UNC13C: variants seen among roughly 807,000 people sequenced by gnomAD.
UNC13C encodes the protein unc-13 homolog C.
UNC13C carries 174 observed loss-of-function variants against 245.4 expected under a neutral mutation model. The observed-to-expected ratio is 0.71, with a 90% CI of 0.63 to 0.80. The LOEUF is 0.80. Among genes scored for constraint, UNC13C ranks in the 30% least tolerant of loss-of-function variants. The pLI, the probability that UNC13C is intolerant of heterozygous loss-of-function variation, is 0.00. For synonymous variants in UNC13C, 992 were observed against 895.1 expected (o/e 1.11, Z -1.93); for missense variants, 2,829 against 2,602.9 (o/e 1.09, Z -1.89).
chr15:54,019,549 C>T (rs984244587), intron 2 of UNC13C, among the ~76,000 whole-genome samples: 4 of 152,172 alleles, frequency 2.6e-5, no homozygotes, highest in African/African-American at 9.6e-5. Context: ...CAGTCTGATA[C>T]ACTTTACCTG....
At chr15:54,373,926 G>C (rs1341648071) in intron 17 of UNC13C, among the ~76,000 whole-genome samples, 1 of 152,116 alleles carries the variant, frequency 6.6e-6, no homozygotes, top group African/African-American at 2.4e-5. Context: ...GAGACTCGAA[G>C]TGGGTAGCTC....
At chr15:53,895,236 C>A in the UNC13C span, among the ~76,000 whole-genome samples, 1 of 148,662 alleles carries the variant, frequency 6.7e-6, no homozygotes, top group African/African-American at 2.5e-5. Flanking sequence ...TGGTCGCAGG[C>A]GTCTGTAATC....
At chr15:54,089,745 T>A (rs1899458345) in intron 2 of UNC13C, among the ~76,000 whole-genome samples, 1 of 151,890 alleles carries the variant, frequency 6.6e-6, no homozygotes, top group African/African-American at 2.4e-5. Flanking sequence ...GAATGGGACA[T>A]TCATTTTTAC....
In UNC13C at chr15:54,447,094, T is replaced by C. The variant is rs147520251; in HGVS notation, c.4933+32027T>C. ...TTCTGTTTATGTGCTGGATTACGTT[T>C]ATTGATTTGCATGTGTTGAACCAGC... On this transcript the variant is annotated intron_variant, in intron 19 of 32. Transcript: ENST00000260323. 5.0e-3 allele frequency among the ~76,000 whole-genome samples: 766 copies of C among 152,304 alleles called. 6 individuals are homozygous for C. The highest frequency in any genetic ancestry group is 0.017 in the African/African-American group (717 of 41,558).
At chr15:54,085,752 G>T (rs932231856) in intron 2 of UNC13C, among the ~76,000 whole-genome samples, 2 of 152,024 alleles carry the variant, frequency 1.3e-5, no homozygotes, top group South Asian at 2.1e-4. Flanking sequence ...AGAAAACTAG[G>T]CACAAGACAA....
intron 4 of UNC13C, among the ~76,000 whole-genome samples, chr15:54,209,532 T>C (rs28464152): frequency 0.57 from 85,896 of 151,736 alleles, 24,460 homozygotes; most frequent in Middle Eastern, 0.62. Flanking sequence ...CCCTCCTCAA[T>C]CTCCTGAATA....
At chr15:54,323,021 T>C (rs2038205148) in intron 14 of UNC13C, among the ~76,000 whole-genome samples, 1 of 144,020 alleles carries the variant, frequency 6.9e-6, no homozygotes, top group African/African-American at 2.5e-5. Flanking sequence ...TTTTTTTTTT[T>C]CATGGAGGAA....
chr15:54,367,148 G>A (rs1399946570), intron 17 of UNC13C, among the ~76,000 whole-genome samples: 3 of 152,072 alleles, frequency 2.0e-5, no homozygotes, highest in Non-Finnish European at 4.4e-5. Context: ...GAAGCTATCA[G>A]AACAGAAAGT....
intron 2 of UNC13C, among the ~76,000 whole-genome samples, chr15:54,071,667 AC>A (rs1898335169): frequency 8.9e-6 from 1 of 112,654 alleles, no homozygotes. Flanking sequence ...GTTGAAAAAA[AC>A]AAAAAGAACA....
At chr15:54,023,006 G>C (rs1464455657) in intron 2 of UNC13C, among the ~76,000 whole-genome samples, 1 of 152,206 alleles carries the variant, frequency 6.6e-6, no homozygotes, top group African/African-American at 2.4e-5. Context: ...AAGGAGATTA[G>C]TCCCAACTGG....
the UNC13C span, among the ~76,000 whole-genome samples, chr15:53,922,779 T>A: frequency 6.6e-6 from 1 of 152,228 alleles, no homozygotes; most frequent in African/African-American, 2.4e-5. Context: ...GCAGTATTTT[T>A]AATTTCAGTG....
intron 10 of UNC13C, among the ~76,000 whole-genome samples, chr15:54,291,596 C>A (rs1046153229): frequency 6.6e-6 from 1 of 151,858 alleles, no homozygotes; most frequent in African/African-American, 2.4e-5. Context: ...ATGGATGAAA[C>A]ATTGCCTGGC....
At chr15:54,543,020 TGTG>T (rs1376192665) in intron 26 of UNC13C, among the ~76,000 whole-genome samples, 7 of 152,152 alleles carry the variant, frequency 4.6e-5, no homozygotes, top group Non-Finnish European at 1.0e-4. Flanking sequence ...TATTGTTATG[TGTG>T]AATTTGGTCC....
rs552961287 is a variant in UNC13C, at chr15:54,545,423, G to A, written c.5697-1299G>A. On this transcript the variant is annotated intron_variant, in intron 26 of 32. Coordinates refer to ENST00000260323, the MANE Select transcript of UNC13C (RefSeq NM_001080534.3). ...CATGACTAAAACACCAAAACCAATG[G>A]CAACAAAAGCCGAAACTGACAAATG... 9.2e-5 allele frequency among the ~76,000 whole-genome samples: 14 copies of A among 152,192 alleles called. No homozygotes were observed. The East Asian group carries it at 2.7e-3, about 29-fold the overall frequency.
the UNC13C span, among the ~76,000 whole-genome samples, chr15:53,921,915 A>G: frequency 5.3e-5 from 8 of 152,334 alleles, no homozygotes; most frequent in Admixed American, 1.3e-4. Context: ...CATGTAATCT[A>G]AGACTATTTT....
chr15:54,437,447 C>T (rs1296776440), intron 19 of UNC13C, among the ~76,000 whole-genome samples: 6 of 151,990 alleles, frequency 3.9e-5, no homozygotes, highest in Non-Finnish European at 7.4e-5. Flanking sequence ...TAATCTGAGT[C>T]TAATCTATGA....
chr15:54,439,640 C>G (rs755080053), intron 19 of UNC13C, among the ~76,000 whole-genome samples: 47 of 151,826 alleles, frequency 3.1e-4, no homozygotes, highest in South Asian at 1.7e-3. Context: ...TACAAAGTCT[C>G]AAGTTTTTTT....
chr15:54,490,994 A>G (rs911590494), intron 19 of UNC13C, among the ~76,000 whole-genome samples: 4 of 152,182 alleles, frequency 2.6e-5, no homozygotes, highest in Non-Finnish European at 5.9e-5. Flanking sequence ...GTCGAAAATC[A>G]AGGCACTTGC....
chr15:54,415,773 C>T (rs1196669593), intron 19 of UNC13C, among the ~76,000 whole-genome samples: 1 of 152,136 alleles, frequency 6.6e-6, no homozygotes, highest in Non-Finnish European at 1.5e-5. Context: ...CCCTGGTCCC[C>T]ACCCTCATCA....
Sources: gnomAD v4.1 joint callset for allele counts (sites outside exome capture counted in the v4.1 genomes callset) on GRCh38, gnomAD v4.1.1 for gene constraint, MANE v1.5 for transcripts, NCBI Gene and HGNC (gene_info 2026-07-23, HGNC 2026-07-21) for gene names.